SLC66A2: variants seen among roughly 807,000 people sequenced by gnomAD.
SLC66A2 encodes solute carrier family 66 member 2, also known as PQ loop repeat containing 1.
A neutral mutation model predicts 25.5 loss-of-function variants in SLC66A2; 23 were observed. The ratio of observed to expected loss-of-function variants is 0.90; its 90% CI spans 0.65 to 1.28. SLC66A2 has a LOEUF of 1.28. Among genes scored for constraint, SLC66A2 ranks in the 50% most tolerant of loss-of-function variants. The pLI, the probability that SLC66A2 is intolerant of heterozygous loss-of-function variation, is 0.00. For synonymous variants in SLC66A2, 193 were observed against 166.5 expected (o/e 1.16, Z -1.23); for missense variants, 396 against 373.1 (o/e 1.06, Z -0.51).
chr18:79,933,836 C>T (rs1986808228), intron 4 of SLC66A2, 133 bp downstream of exon 4: 2 of 726,560 alleles, frequency 2.8e-6, no homozygotes, highest in African/African-American at 1.8e-5. Flanking sequence ...GATTAGTTTG[C>T]TGTAGACTCG....
chr18:79,943,329 C>T lies in SLC66A2; in HGVS notation c.337G>A (p.Ala113Thr). Residue 113 changes from alanine to threonine, a missense_variant and splice_region_variant, in exon 3 of 6, where the codon GCT becomes ACT. Ala to Thr is a moderately conservative substitution (Grantham distance 58). Transcript: ENST00000397778. The part of the protein sequence containing the change: ...ELNARRRSFT[A>T]ADSKDEEVKV... ...TTATTCCGAAGCGCCGGCCACCAAC[C>T]TGTAAAGGAGCGGCGCCTGGCGTTG... 3.7e-6 allele frequency: 6 copies of T among 1,613,830 alleles called. No homozygotes were observed. The highest frequency in any genetic ancestry group is 5.1e-6 in the Non-Finnish European group (6 of 1,179,876).
chr18:79,921,969 C>T (rs1985287746), intron 4 of SLC66A2, among the ~76,000 whole-genome samples: 1 of 150,874 alleles, frequency 6.6e-6, no homozygotes, highest in South Asian at 2.1e-4. Flanking sequence ...GGAGGAGAGA[C>T]GGGAACCCAG....
rs1986144799 is a variant in SLC66A2 at position 79,927,790 on chromosome 18, A to C, written c.391+6179T>G. Among the ~76,000 whole-genome samples the C allele has an allele frequency of 6.6e-6, 1 of 152,192 alleles. No individual in the cohort carries two copies. Among genetic ancestry groups the C allele is most frequent in the South Asian group, 2.1e-4 (1 of 4,834 alleles). ...ACAAACACCCTCCCACTCGGCAAGG[A>C]CAAATCAAGCAACTGCCGAGACAGG... On this transcript the variant is annotated intron_variant, in intron 4 of 5. Coordinates refer to ENST00000397778, the MANE Select transcript of SLC66A2 (RefSeq NM_025078.5). This position sits in a 1 kb window ranked among gnomAD's most constrained non-coding sequence, Gnocchi z 6.2.
intron 5 of SLC66A2, among the ~76,000 whole-genome samples, chr18:79,907,603 G>A (rs1425588978): frequency 1.3e-5 from 2 of 152,034 alleles, no homozygotes; most frequent in Middle Eastern, 3.4e-3. Flanking sequence ...CACCTACCTC[G>A]GTCTCCCAAA....
chr18:79,938,397 G>A (rs909150498), intron 3 of SLC66A2, among the ~76,000 whole-genome samples: 2 of 152,136 alleles, frequency 1.3e-5, no homozygotes, highest in East Asian at 1.9e-4. Flanking sequence ...GGGTTGCACC[G>A]TGCTGATGCC....
intron 2 of SLC66A2, chr18:79,949,902 C>T (rs1034514285): frequency 2.0e-5 from 3 of 152,360 alleles, no homozygotes; most frequent in African/African-American, 7.2e-5. Context: ...AGCTGTGAGA[C>T]CTCATTTCCT....
chr18:79,945,458 AG>A (rs2050894639), intron 2 of SLC66A2, among the ~76,000 whole-genome samples: 1 of 152,170 alleles, frequency 6.6e-6, no homozygotes, highest in Non-Finnish European at 1.5e-5. Flanking sequence ...CAGGCACACA[AG>A]CTGTACCTCC....
chr18:79,923,985 C>G (rs1370119072), intron 4 of SLC66A2, among the ~76,000 whole-genome samples: 1 of 150,606 alleles, frequency 6.6e-6, no homozygotes, highest in Non-Finnish European at 1.5e-5. Flanking sequence ...TGTAGTGAGC[C>G]ATGGCTGTGC....
At chr18:79,923,792 C>G (rs975797862) in intron 4 of SLC66A2, among the ~76,000 whole-genome samples, 2 of 152,162 alleles carry the variant, frequency 1.3e-5, no homozygotes, top group African/African-American at 4.8e-5. Context: ...TCACACCTGT[C>G]ATCCCAGCAC....
intron 2 of SLC66A2, among the ~76,000 whole-genome samples, chr18:79,950,450 G>A (rs931554849): frequency 1.3e-5 from 2 of 152,244 alleles, no homozygotes; most frequent in South Asian, 2.1e-4. Context: ...CAGCTGAGAG[G>A]TCCCTGCTAA....
At chr18:79,914,196 G>A (rs1419996117) in intron 5 of SLC66A2, among the ~76,000 whole-genome samples, 2 of 152,222 alleles carry the variant, frequency 1.3e-5, no homozygotes, top group South Asian at 2.1e-4. Flanking sequence ...GAGCCACCGC[G>A]CCCAGCCCAA....
chr18:79,929,508 C>G (rs753795660), intron 4 of SLC66A2, among the ~76,000 whole-genome samples: 7 of 152,150 alleles, frequency 4.6e-5, no homozygotes, highest in Non-Finnish European at 5.9e-5. Flanking sequence ...CCTAAAATGT[C>G]CAGCTTGCAA....
In SLC66A2 at chr18:79,918,474, C is replaced by T. The variant is rs1392506191; in HGVS notation, c.608+710G>A. ...ACCGGGGAGGGTCCCCAGTGAGGAG[C>T]GGCACCGGGGGGTCCCCAGTGAGGA... On this transcript the variant is annotated intron_variant, in intron 5 of 5. Coordinates refer to ENST00000397778, the MANE Select transcript of SLC66A2 (RefSeq NM_025078.5). This position sits in a 1 kb window ranked among gnomAD's most constrained non-coding sequence, Gnocchi z 4.0. Among the ~76,000 whole-genome samples the T allele has an allele frequency of 4.8e-5, 7 of 144,990 alleles. No individual in the cohort carries two copies. Among genetic ancestry groups the T allele is most frequent in the African/African-American group, 1.8e-4 (7 of 39,710 alleles).
At chr18:79,921,785 A>G (rs867009863) in intron 4 of SLC66A2, among the ~76,000 whole-genome samples, 52 of 67,522 alleles carry the variant, frequency 7.7e-4, no homozygotes, top group South Asian at 4.0e-3. Flanking sequence ...GGAGAGGTCA[A>G]GGTCAGTGGA....
At chr18:79,916,321 C>CATACCCGTGGTGCTCCT (rs1984156703) in intron 5 of SLC66A2, among the ~76,000 whole-genome samples, 1 of 149,734 alleles carries the variant, frequency 6.7e-6, no homozygotes, top group Non-Finnish European at 1.5e-5. Context: ...GTGGTGCTCC[C>CATACCCGTGGTGCTCCT]GTACCCACAG....
chr18:79,947,144 GC>G (rs1301622677), intron 2 of SLC66A2: 1 of 152,260 alleles, frequency 6.6e-6, no homozygotes, highest in East Asian at 1.9e-4. Context: ...GGCTCCCAGG[GC>G]CCTGCAGCCC....
rs904732878 is a variant in SLC66A2, at chr18:79,917,496, C to T, written c.608+1688G>A. The stretch of plus-strand genomic sequence containing the variant: ...AGGCACCTCCCACAGATCTCCAGGT[C>T]GCAAGCTCGGCACGCGGGCACTGCC... On this transcript the variant is annotated intron_variant, in intron 5 of 5. Transcript: ENST00000397778. The surrounding 1 kb of genome is among the most constrained non-coding windows in gnomAD (Gnocchi z 6.0). Among the ~76,000 whole-genome samples, 4 of 152,152 alleles carry T rather than the reference C, an allele frequency of 2.6e-5. No individual in the cohort carries two copies. The highest frequency in any genetic ancestry group is 2.9e-5 in the Non-Finnish European group (2 of 68,014).
intron 4 of SLC66A2, among the ~76,000 whole-genome samples, chr18:79,922,684 G>A (rs531488567): frequency 3.9e-5 from 6 of 151,996 alleles, no homozygotes; most frequent in Admixed American, 2.6e-4. Flanking sequence ...AAAGGTGAAC[G>A]GAGACAAACC....
intron 5 of SLC66A2, among the ~76,000 whole-genome samples, chr18:79,911,761 C>T (rs1227046528): frequency 7.4e-6 from 1 of 134,906 alleles, no homozygotes; most frequent in Non-Finnish European, 1.6e-5. Context: ...GGGGACGCAG[C>T]AGGGAAGGGA....
Sources: gnomAD v4.1 joint callset for allele counts (sites outside exome capture counted in the v4.1 genomes callset) on GRCh38, gnomAD v4.1.1 for gene constraint, Gnocchi (gnomAD v3.1) non-coding constraint, MANE v1.5 for transcripts, NCBI Gene and HGNC (gene_info 2026-07-23, HGNC 2026-07-21) for gene names.